Variants in PRKCA observed in about 807,000 individuals in gnomAD.
The protein encoded by PRKCA is protein kinase C alpha type.
Under a neutral mutation model 87.0 loss-of-function variants are expected in PRKCA, and 27 were observed. That is an observed-to-expected ratio of 0.31 (90% confidence interval 0.23 to 0.43). The LOEUF (loss-of-function observed/expected upper bound fraction) is 0.43. PRKCA is among the 20% of genes least tolerant of loss of function. The probability of loss-of-function intolerance (pLI) is 1.00; values close to 1 mark genes in which losing one functional copy is unlikely to be tolerated. For missense variants in PRKCA, 518 were observed against 852.3 expected (o/e 0.61, Z 4.88); for synonymous variants, 329 against 311.1 (o/e 1.06, Z -0.61).
At chr17:66,376,631 AT>A (rs775527945) in intron 2 of PRKCA, among the ~76,000 whole-genome samples, 49 of 151,908 alleles carry the variant, frequency 3.2e-4, no homozygotes, top group Non-Finnish European at 6.6e-4. Flanking sequence ...AAAAAAAAAA[AT>A]TGAATAGGTC....
intron 2 of PRKCA, among the ~76,000 whole-genome samples, chr17:66,307,240 T>TC (rs1462813761): frequency 6.6e-6 from 1 of 152,088 alleles, no homozygotes; most frequent in Admixed American, 6.5e-5. Flanking sequence ...ATTTTCAGAG[T>TC]TGCATTTGAA....
At chr17:66,635,365 A>G (rs973037593) in intron 3 of PRKCA, among the ~76,000 whole-genome samples, 5 of 152,238 alleles carry the variant, frequency 3.3e-5, no homozygotes, top group Admixed American at 2.0e-4. Flanking sequence ...CATCCAGGTC[A>G]CAGGCATCAC....
In PRKCA at chr17:66,306,108, A is replaced by G; in HGVS notation, c.186A>G (p.Lys62=). ...HCTDFIWGFG[K]QGFQCQVCCF... is the part of the protein sequence containing the mutation. ...TTTTGTTTTTCAGGGGGTTTGGGAA[A>G]CAAGGCTTCCAGTGCCAAGGTAAGC... Residue 62 remains lysine (K), a synonymous_variant, in exon 2 of 17, where the codon AAA becomes AAG. Transcript: ENST00000413366. 6.2e-7 allele frequency: 1 copy of G among 1,612,586 alleles called. No homozygotes were observed. The highest frequency in any genetic ancestry group is 8.5e-7 in the Non-Finnish European group (1 of 1,179,468).
chr17:66,578,311 C>A (rs72845931), intron 3 of PRKCA, among the ~76,000 whole-genome samples: 9,384 of 152,188 alleles, frequency 0.062, 376 homozygotes, highest in Non-Finnish European at 0.088. Flanking sequence ...GGTCATGTCC[C>A]CATGGGTTTG....
chr17:66,504,316 C>A (rs1443145082), intron 3 of PRKCA, among the ~76,000 whole-genome samples: 7 of 150,912 alleles, frequency 4.6e-5, no homozygotes, highest in Admixed American at 4.6e-4. Flanking sequence ...GGGCCACTAG[C>A]AGTGGCCCAC....
chr17:66,535,284 C>T (rs1444711347), intron 3 of PRKCA, among the ~76,000 whole-genome samples: 2 of 152,220 alleles, frequency 1.3e-5, no homozygotes, highest in African/African-American at 2.4e-5. Flanking sequence ...TGGGAAAACT[C>T]ACCAAGGATG....
intron 3 of PRKCA, among the ~76,000 whole-genome samples, chr17:66,619,910 G>C (rs554224823): frequency 6.6e-6 from 1 of 152,130 alleles, no homozygotes; most frequent in Admixed American, 6.5e-5. Flanking sequence ...ATAAAGTCAC[G>C]AAGGAGACTA....
intron 2 of PRKCA, among the ~76,000 whole-genome samples, chr17:66,365,985 A>T (rs1376230426): frequency 6.6e-6 from 1 of 152,150 alleles, no homozygotes; most frequent in Non-Finnish European, 1.5e-5. Context: ...GTGAATGGAG[A>T]CATTTGTATT....
chr17:66,568,974 G>A (rs1968982136), intron 3 of PRKCA, among the ~76,000 whole-genome samples: 1 of 151,976 alleles, frequency 6.6e-6, no homozygotes, highest in African/African-American at 2.4e-5. Flanking sequence ...AATGAGGCTG[G>A]TCAATAGGAT....
intron 2 of PRKCA, among the ~76,000 whole-genome samples, chr17:66,332,957 C>CT (rs1259937991): frequency 6.6e-6 from 1 of 152,204 alleles, no homozygotes; most frequent in Non-Finnish European, 1.5e-5. Context: ...TCCCGAAGTG[C>CT]TGGGATTACA....
intron 2 of PRKCA, among the ~76,000 whole-genome samples, chr17:66,480,683 A>G (rs1187791763): frequency 1.3e-5 from 2 of 152,098 alleles, no homozygotes; most frequent in Admixed American, 1.3e-4. Context: ...AGACTGTTCT[A>G]TGGCCATTCC....
intron 3 of PRKCA, among the ~76,000 whole-genome samples, chr17:66,541,267 T>C (rs1364369134): frequency 6.6e-6 from 1 of 152,346 alleles, no homozygotes; most frequent in Non-Finnish European, 1.5e-5. Context: ...TAGCTGCAGA[T>C]TGTGGCTCAG....
At chr17:66,494,101 G>A (rs1916360374) in intron 2 of PRKCA, among the ~76,000 whole-genome samples, 1 of 152,220 alleles carries the variant, frequency 6.6e-6, no homozygotes, top group Admixed American at 6.5e-5. Flanking sequence ...TTTCAGCTCT[G>A]AGCCATCCTG....
intron 8 of PRKCA, among the ~76,000 whole-genome samples, chr17:66,693,289 T>TA (rs1972829723): frequency 6.6e-6 from 1 of 151,814 alleles, no homozygotes; most frequent in South Asian, 2.1e-4. Flanking sequence ...GCGATACTCA[T>TA]GGACAGTGTG....
intron 2 of PRKCA, among the ~76,000 whole-genome samples, chr17:66,345,204 T>C (rs1907285223): frequency 6.6e-6 from 1 of 152,210 alleles, no homozygotes; most frequent in African/African-American, 2.4e-5. Context: ...TTGTTATCAA[T>C]TCACACATTT....
At chr17:66,419,181 A>C (rs1235290917) in intron 2 of PRKCA, among the ~76,000 whole-genome samples, 1 of 152,216 alleles carries the variant, frequency 6.6e-6, no homozygotes, top group Non-Finnish European at 1.5e-5. Flanking sequence ...TTCAATGATT[A>C]GCACTGAGTG....
At chr17:66,549,925 G>A (rs569065311) in intron 3 of PRKCA, among the ~76,000 whole-genome samples, 3 of 152,264 alleles carry the variant, frequency 2.0e-5, no homozygotes, top group Admixed American at 6.5e-5. Context: ...TTATGGAAAT[G>A]TGAGTCACCT....
intron 2 of PRKCA, among the ~76,000 whole-genome samples, chr17:66,428,506 CTTTTT>C (rs879722559): frequency 7.1e-6 from 1 of 140,212 alleles, no homozygotes; most frequent in South Asian, 2.3e-4. Flanking sequence ...ATTTTTCTTT[CTTTTT>C]TTTTTTTTTT....
chr17:66,648,199 G>GA (rs2143831480), intron 5 of PRKCA, among the ~76,000 whole-genome samples: 1 of 152,244 alleles, frequency 6.6e-6, no homozygotes, highest in South Asian at 2.1e-4. Context: ...TCTTTTATAA[G>GA]GCTCTGCGTT....
Sources: gnomAD v4.1 joint callset for allele counts (sites outside exome capture counted in the v4.1 genomes callset) on GRCh38, gnomAD v4.1.1 for gene constraint, MANE v1.5 for transcripts, NCBI Gene and HGNC (gene_info 2026-07-23, HGNC 2026-07-21) for gene names.